Variants in HTRA1 observed in about 807,000 individuals in gnomAD.
HTRA1 encodes HtrA serine peptidase 1.
Under a neutral mutation model 49.7 loss-of-function variants are expected in HTRA1, and 26 were observed. That is an observed-to-expected ratio of 0.52 (90% CI 0.38 to 0.73). The LOEUF is 0.73. HTRA1 is among the 30% of genes least tolerant of loss of function. The pLI is 0.00. For synonymous variants in HTRA1, 291 were observed against 286.9 expected (o/e 1.01, Z -0.14); for missense variants, 561 against 667.2 (o/e 0.84, Z 1.75).
At chr10:122,475,572 C>G (rs541552190) in intron 1 of HTRA1, among the ~76,000 whole-genome samples, 5 of 152,352 alleles carry the variant, frequency 3.3e-5, no homozygotes, top group South Asian at 2.1e-4. Context: ...AAGAGTAGGT[C>G]TGAGGGCCGT....
At chr10:122,503,998 G>A (rs545652305) in intron 3 of HTRA1, among the ~76,000 whole-genome samples, 8 of 152,278 alleles carry the variant, frequency 5.3e-5, no homozygotes, top group Admixed American at 3.3e-4. Flanking sequence ...TTTGCATCAC[G>A]GGTGTCCATC....
intron 3 of HTRA1, among the ~76,000 whole-genome samples, chr10:122,501,868 C>T (rs560274815): frequency 1.3e-5 from 2 of 151,104 alleles, no homozygotes; most frequent in African/African-American, 4.9e-5. Context: ...AAGGAAGGAG[C>T]CTTGTTCTTG....
At chr10:122,466,679 G>T (rs2097483926) in intron 1 of HTRA1, among the ~76,000 whole-genome samples, 1 of 152,146 alleles carries the variant, frequency 6.6e-6, no homozygotes, top group African/African-American at 2.4e-5. Flanking sequence ...TGGGCAGTTT[G>T]CTCGAGAGTC....
chr10:122,504,638 G>C (rs1311512635), intron 3 of HTRA1, among the ~76,000 whole-genome samples: 1 of 152,210 alleles, frequency 6.6e-6, no homozygotes, highest in Non-Finnish European at 1.5e-5. Context: ...AGGGCCTGAA[G>C]GGATGGCAGT....
chr10:122,488,539 G>T (rs935000307), intron 1 of HTRA1, among the ~76,000 whole-genome samples: 1 of 152,164 alleles, frequency 6.6e-6, no homozygotes, highest in Non-Finnish European at 1.5e-5. Context: ...TCCAGCCTGG[G>T]TGACAGAGTG....
At chr10:122,479,664 G>A (rs2097490131) in intron 1 of HTRA1, among the ~76,000 whole-genome samples, 1 of 152,168 alleles carries the variant, frequency 6.6e-6, no homozygotes, top group African/African-American at 2.4e-5. Context: ...GCAGGGGGAT[G>A]GGGTGGAGCA....
chr10:122,491,085 A>G (rs543027661), intron 3 of HTRA1, among the ~76,000 whole-genome samples: 62 of 152,266 alleles, frequency 4.1e-4, no homozygotes, highest in African/African-American at 1.5e-3. Flanking sequence ...TAATCTTTCA[A>G]AGTGTGTTTA....
rs557839115 is a variant in HTRA1 at position 122,489,485 on chromosome 10, T to C, written c.636T>C (p.Asp212=). Residue 212 remains aspartate, a synonymous_variant, in exon 3 of 9, where the codon GAT becomes GAC. Coordinates refer to ENST00000368984, the MANE Select transcript of HTRA1 (RefSeq NM_002775.5). ...GGTCTGGGTTTATTGTGTCGGAAGATGGACTGATCGTGACAAATGCCCACG... is the reference window on the plus strand; with the variant it reads ...GGTCTGGGTTTATTGTGTCGGAAGACGGACTGATCGTGACAAATGCCCACG... ...ASGSGFIVSE[D]GLIVTNAHVV... 15 of 1,614,184 alleles carry C rather than the reference T, an allele frequency of 9.3e-6. No homozygotes were observed. Among genetic ancestry groups the C allele is most frequent in the African/African-American group, 8.0e-5 (6 of 75,040 alleles).
At chr10:122,488,640 G>T (rs769447262) in intron 1 of HTRA1, among the ~76,000 whole-genome samples, 20 of 152,190 alleles carry the variant, frequency 1.3e-4, no homozygotes, top group Non-Finnish European at 2.4e-4. Context: ...TGAAGCATTT[G>T]CTGGTGCCTC....
chr10:122,464,776 G>A lies in HTRA1; in HGVS notation c.472+2652G>A, dbSNP rs2097483146. Among the ~76,000 whole-genome samples, 1 of 152,304 alleles carries A rather than the reference G, an allele frequency of 6.6e-6. No homozygotes were observed. The highest frequency in any genetic ancestry group is 2.1e-4 in the South Asian group (1 of 4,830). ...GGTGCCCACGGGCAGGTCACTTGAC[G>A]TCACTGTTAAATGAGGTGAATTGGC... On this transcript the variant is annotated intron_variant, in intron 1 of 8. Coordinates refer to ENST00000368984, the MANE Select transcript of HTRA1 (RefSeq NM_002775.5). This position sits in a 1 kb window ranked among gnomAD's most constrained non-coding sequence, Gnocchi z 4.8.
intron 3 of HTRA1, among the ~76,000 whole-genome samples, chr10:122,500,962 C>T (rs531149286): frequency 1.2e-4 from 18 of 152,258 alleles, no homozygotes; most frequent in African/African-American, 3.4e-4. Flanking sequence ...TGGAGTGATC[C>T]GGGGCACAAG....
intron 3 of HTRA1, among the ~76,000 whole-genome samples, chr10:122,493,453 C>T (rs896945740): frequency 6.6e-6 from 1 of 152,162 alleles, no homozygotes; most frequent in Non-Finnish European, 1.5e-5. Flanking sequence ...ACTGGCTGTG[C>T]GCAGCATATG....
At chr10:122,470,282 T>G (rs2097485562) in intron 1 of HTRA1, among the ~76,000 whole-genome samples, 1 of 152,212 alleles carries the variant, frequency 6.6e-6, no homozygotes, top group Non-Finnish European at 1.5e-5. Context: ...GATGACTCCC[T>G]TCTGCCTCAG....
intron 3 of HTRA1, among the ~76,000 whole-genome samples, chr10:122,503,268 T>C (rs567446223): frequency 1.3e-5 from 2 of 152,210 alleles, no homozygotes; most frequent in African/African-American, 2.4e-5. Context: ...ATGGAGCTGA[T>C]GTCTAGACAG....
intron 3 of HTRA1, among the ~76,000 whole-genome samples, chr10:122,498,076 A>G (rs1004745694): frequency 2.6e-5 from 4 of 152,206 alleles, no homozygotes; most frequent in Admixed American, 2.6e-4. Context: ...GAGACTAAAT[A>G]TTTTGATGGT....
At position 122,506,667 on chromosome 10, in the gene HTRA1, C is replaced by G. The variant is rs760221983; in HGVS notation, c.778-24C>G. On this transcript the variant is annotated intron_variant, in intron 3 of 8. Coordinates refer to ENST00000368984, the MANE Select transcript of HTRA1 (RefSeq NM_002775.5). This position sits in a 1 kb window ranked among gnomAD's most constrained non-coding sequence, Gnocchi z 5.2. ...ATTTGGTTAAATTAAACCAACTCAGCAACGCCAGCCATTGTGGTTTCAGGG... is the reference window on the plus strand; with the variant it reads ...ATTTGGTTAAATTAAACCAACTCAGGAACGCCAGCCATTGTGGTTTCAGGG... 2 of 1,604,652 alleles carry G rather than the reference C, an allele frequency of 1.2e-6. No homozygotes were observed. Among genetic ancestry groups the G allele is most frequent in the South Asian group, 2.2e-5 (2 of 90,958 alleles).
Position 122,504,111 on chromosome 10 carries a change from G to A in HTRA1, c.778-2580G>A, listed in dbSNP as rs924258705. On this transcript the variant is annotated intron_variant, in intron 3 of 8. Coordinates refer to ENST00000368984, the MANE Select transcript of HTRA1 (RefSeq NM_002775.5). ...AGCAGGCAGCGTCCCCTGGAGGCCTGGCCCTCCCCGGGAGCATGGGGAGTA... is the reference window on the plus strand; with the variant it reads ...AGCAGGCAGCGTCCCCTGGAGGCCTAGCCCTCCCCGGGAGCATGGGGAGTA... Among the ~76,000 whole-genome samples the A allele has an allele frequency of 2.0e-5, 3 of 152,144 alleles. No individual in the cohort carries two copies. The East Asian group carries it at 5.8e-4, about 30-fold the overall frequency.
Position 122,462,102 on chromosome 10 carries a change from G to A in HTRA1, c.450G>A (p.Leu150=). Residue 150 remains leucine (L), a synonymous_variant, in exon 1 of 9, where the codon CTG becomes CTA. Coordinates refer to ENST00000368984, the MANE Select transcript of HTRA1 (RefSeq NM_002775.5). The stretch of plus-strand genomic sequence containing the variant: ...TGCACCGGCCGCCGGTCATCGTCCT[G>A]CAGCGCGGAGCCTGCGGCCAAGGTA... ...ERLHRPPVIV[L]QRGACGQGQE... is the part of the protein sequence containing the mutation. 6.5e-7 allele frequency: 1 copy of A among 1,533,760 alleles called. No homozygotes were observed. Among genetic ancestry groups the A allele is most frequent in the Non-Finnish European group, 8.7e-7 (1 of 1,146,076 alleles).
Position 122,496,176 on chromosome 10 carries a change from A to G in HTRA1, c.777+6550A>G, listed in dbSNP as rs116138125. 9.6e-3 allele frequency among the ~76,000 whole-genome samples: 1,363 copies of G among 142,470 alleles called. 24 individuals are homozygous for G. Among genetic ancestry groups the G allele is most frequent in the African/African-American group, 0.034 (1,293 of 38,042 alleles). The allele number at this position is 142,470 out of a possible 152,430, so 93.5% of individuals were successfully genotyped here. ...GAAGCACTAGGTGGCCGCGGCGAGC[A>G]GGAAGAGAAGCTGATTTTGTTTGCC... On this transcript the variant is annotated intron_variant, in intron 3 of 8. Coordinates refer to ENST00000368984, the MANE Select transcript of HTRA1 (RefSeq NM_002775.5).
Sources: allele counts gnomAD v4.1 joint callset (sites outside exome capture counted in the v4.1 genomes callset), GRCh38; gene constraint gnomAD v4.1.1; non-coding constraint Gnocchi (gnomAD v3.1); transcripts MANE v1.5; gene names NCBI Gene and HGNC (gene_info 2026-07-23, HGNC 2026-07-21).